DYSF: variants seen among roughly 807,000 people sequenced by gnomAD.
DYSF encodes dysferlin, also known as dystrophy-associated fer-1-like 1.
Under a neutral mutation model 274.9 loss-of-function variants are expected in DYSF, and 212 were observed. That is an observed-to-expected ratio of 0.77 (90% confidence interval 0.69 to 0.86). The LOEUF (loss-of-function observed/expected upper bound fraction) is 0.86, where lower values mean the gene tolerates loss of function less well. Among genes scored for constraint, DYSF ranks in the 40% least tolerant of loss-of-function variants. The pLI, the probability that DYSF is intolerant of heterozygous loss-of-function variation, is 0.00. For missense variants in DYSF, 2,666 were observed against 2,783.2 expected, an observed-to-expected ratio of 0.96 and a Z score of 0.95; for synonymous variants, 1,091 against 1,078.7, an observed-to-expected ratio of 1.01 and a Z score of -0.22.
At chr2:71,662,073 C>G (rs1333503350) in intron 45 of DYSF, among the ~76,000 whole-genome samples, 1 of 152,150 alleles carries the variant, frequency 6.6e-6, no homozygotes, top group African/African-American at 2.4e-5. Context: ...CAGGAACACA[C>G]CCCTCCCATG....
chr2:71,631,639 C>T lies in DYSF; in HGVS notation c.4527+11030C>T, dbSNP rs148948438. On this transcript the variant is annotated intron_variant, in intron 41 of 55. Transcript: ENST00000410020. Reference sequence around the variant, plus strand: ...GGAGGCGAGGGGAGGGAATCAGGGCCGAAATCTGTTAGCTATTTGGAGTAA... The same window carrying T: ...GGAGGCGAGGGGAGGGAATCAGGGCTGAAATCTGTTAGCTATTTGGAGTAA... Among the ~76,000 whole-genome samples, 739 of 152,194 alleles carry T rather than the reference C, an allele frequency of 4.9e-3. 4 individuals are homozygous for T. Among genetic ancestry groups the T allele is most frequent in the Non-Finnish European group, 7.2e-3 (492 of 68,010 alleles).
intron 3 of DYSF, among the ~76,000 whole-genome samples, chr2:71,499,034 G>T (rs1332403077): frequency 6.6e-6 from 1 of 152,204 alleles, no homozygotes; most frequent in Non-Finnish European, 1.5e-5. Context: ...ACTTTAAGAA[G>T]TTGTAAAAAC....
chr2:71,627,095 G>C, intron 41 of DYSF, among the ~76,000 whole-genome samples: 1 of 150,408 alleles, frequency 6.6e-6, no homozygotes, highest in East Asian at 2.0e-4. Context: ...ATTTTTAGTT[G>C]ATCTTCTCTA....
intron 51 of DYSF, among the ~76,000 whole-genome samples, chr2:71,669,985 G>A (rs531329288): frequency 2.6e-5 from 4 of 152,182 alleles, no homozygotes; most frequent in Middle Eastern, 3.4e-3. Context: ...CAATGTCACC[G>A]TGGCTGCTGT....
intron 3 of DYSF, among the ~76,000 whole-genome samples, chr2:71,498,046 C>T (rs2084590791): frequency 6.6e-6 from 1 of 152,096 alleles, no homozygotes; most frequent in African/African-American, 2.4e-5. Context: ...CCCAATAAAA[C>T]TTGATTGTTG....
At chr2:71,540,071 TAAAATTG>T (rs2089778728) in intron 17 of DYSF, among the ~76,000 whole-genome samples, 1 of 152,042 alleles carries the variant, frequency 6.6e-6, no homozygotes, top group South Asian at 2.1e-4. Context: ...GATAAATACC[TAAAATTG>T]GAATTGCTGT....
At chr2:71,507,400 C>G (rs756368940) in intron 4 of DYSF, among the ~76,000 whole-genome samples, 1 of 152,238 alleles carries the variant, frequency 6.6e-6, no homozygotes, top group Non-Finnish European at 1.5e-5. Flanking sequence ...GTCTCATTCC[C>G]CTGATCCTTC....
intron 42 of DYSF, among the ~76,000 whole-genome samples, chr2:71,649,126 G>T (rs2094612606): frequency 1.1e-5 from 1 of 92,606 alleles, no homozygotes; most frequent in East Asian, 3.3e-4. Flanking sequence ...AATAGAGCAA[G>T]ACTTTGTCTC....
At chr2:71,542,558 AG>A (rs1188336612) in intron 17 of DYSF, among the ~76,000 whole-genome samples, 1 of 152,132 alleles carries the variant, frequency 6.6e-6, no homozygotes, top group Non-Finnish European at 1.5e-5. Context: ...ACTTGAGATT[AG>A]GGAGTGGTGA....
chr2:71,488,247 G>T lies in DYSF; in HGVS notation c.239+6277G>T, dbSNP rs549657311. On this transcript the variant is annotated intron_variant, in intron 3 of 55. Coordinates refer to ENST00000410020, the MANE Select transcript of DYSF (RefSeq NM_001130987.2). Reference sequence around the variant, plus strand: ...AAAAAGAAAACAGTTTAATTGCTCTGTATGCAAAACATATCAACACATTAA... The same window carrying T: ...AAAAAGAAAACAGTTTAATTGCTCTTTATGCAAAACATATCAACACATTAA... 1.9e-4 allele frequency among the ~76,000 whole-genome samples: 29 copies of T among 152,282 alleles called. No homozygotes were observed. The South Asian group carries it at 5.6e-3, about 29-fold the overall frequency.
chr2:71,587,138 G>A (rs1330493290), intron 30 of DYSF, among the ~76,000 whole-genome samples: 1 of 152,328 alleles, frequency 6.6e-6, no homozygotes, highest in East Asian at 1.9e-4. Flanking sequence ...GTTTGGTGTT[G>A]CACACCCTGC....
intron 3 of DYSF, among the ~76,000 whole-genome samples, chr2:71,499,451 A>T (rs2084755188): frequency 1.3e-5 from 2 of 152,202 alleles, no homozygotes. Context: ...CCAATGTTTT[A>T]AAATAAAATT....
At chr2:71,493,477 A>G (rs748848759) in intron 3 of DYSF, among the ~76,000 whole-genome samples, 2 of 152,218 alleles carry the variant, frequency 1.3e-5, no homozygotes, top group South Asian at 2.1e-4. Context: ...GAGAAAAAAG[A>G]TATTTGTGAG....
At position 71,533,935 on chromosome 2, in the gene DYSF, C is replaced by T. The variant is rs150550957; in HGVS notation, c.1381-1086C>T. Among the ~76,000 whole-genome samples, 165 of 152,344 alleles carry T rather than the reference C, an allele frequency of 1.1e-3. 1 individual carries two copies. The highest frequency in any genetic ancestry group is 2.9e-3 in the African/African-American group (119 of 41,574). ...CTGTCTCTTCCACTCTTTGCTCTTT[C>T]TTCCACTGGATTGGATCGTTGGTCT... On this transcript the variant is annotated intron_variant, in intron 14 of 55. Coordinates refer to ENST00000410020, the MANE Select transcript of DYSF (RefSeq NM_001130987.2).
chr2:71,493,183 C>T (rs1248042034), intron 3 of DYSF, among the ~76,000 whole-genome samples: 2 of 152,190 alleles, frequency 1.3e-5, no homozygotes, highest in African/African-American at 4.8e-5. Context: ...GCTACAGCAC[C>T]TGGCTGATAC....
At chr2:71,586,187 A>G (rs900739055) in intron 30 of DYSF, among the ~76,000 whole-genome samples, 20 of 152,068 alleles carry the variant, frequency 1.3e-4, no homozygotes, top group African/African-American at 4.6e-4. Flanking sequence ...ACCAGAGGAT[A>G]TAAGGATGTT....
chr2:71,620,670 G>T, intron 41 of DYSF, 61 bp downstream of exon 41: 1 of 1,484,810 alleles, frequency 6.7e-7, no homozygotes, highest in Non-Finnish European at 9.2e-7. Flanking sequence ...GGGGGTAGGG[G>T]GGTTAGGAGG....
chr2:71,571,584 C>T (rs1259644922), intron 29 of DYSF, among the ~76,000 whole-genome samples: 2 of 137,810 alleles, frequency 1.5e-5, no homozygotes, highest in African/African-American at 2.8e-5. Flanking sequence ...ACACACAGAT[C>T]ACACCCAGCA....
chr2:71,645,424 G>T (rs1485349924), intron 42 of DYSF, among the ~76,000 whole-genome samples: 1 of 151,964 alleles, frequency 6.6e-6, no homozygotes, highest in African/African-American at 2.4e-5. Flanking sequence ...GCCTGCTGAG[G>T]CCTGTTGGTG....
Sources: allele counts gnomAD v4.1 joint callset (sites outside exome capture counted in the v4.1 genomes callset), GRCh38; gene constraint gnomAD v4.1.1; transcripts MANE v1.5; gene names NCBI Gene and HGNC (gene_info 2026-07-23, HGNC 2026-07-21).